Variants in SOHLH1 observed in about 807,000 individuals in gnomAD.
SOHLH1 encodes spermatogenesis- and oogenesis-specific basic helix-loop-helix-containing protein 1.
SOHLH1 carries 23 observed loss-of-function variants against 36.2 expected under a neutral mutation model. That is an observed-to-expected ratio of 0.64 (90% CI 0.46 to 0.90). The LOEUF (loss-of-function observed/expected upper bound fraction) is 0.90. Among genes scored for constraint, SOHLH1 ranks in the 40% least tolerant of loss-of-function variants. The pLI is 0.00. For missense variants in SOHLH1, 608 were observed against 517.0 expected, an observed-to-expected ratio of 1.18 and a Z score of -1.71; for synonymous variants, 289 against 228.3, an observed-to-expected ratio of 1.27 and a Z score of -2.40.
Position 135,697,488 on chromosome 9 carries a change from G to A in SOHLH1, c.467+18C>T, listed in dbSNP as rs369067103. On this transcript the variant is annotated intron_variant, in intron 4 of 7. Transcript: ENST00000425225. ...AGGGTCACCCAGCCCTGGAGAGCGG[G>A]CCCCAGGAGACACTAACCGAGTCCC... 1.9e-6 allele frequency: 3 copies of A among 1,605,796 alleles called. No individual in the cohort carries two copies.
chr9:135,693,836 C>T lies in SOHLH1; in HGVS notation c.947-22G>A, dbSNP rs201476933. 219 of 1,536,480 alleles carry T rather than the reference C, an allele frequency of 1.4e-4. 3 individuals are homozygous for T. In the East Asian group the frequency reaches 4.3e-3, roughly 30 times the overall value. On this transcript the variant is annotated intron_variant, in intron 7 of 7. Transcript: ENST00000425225. ...GACCCTGGAAGCAAACAGGACACAT[C>T]GGCAGGGCAGGCAGGTGCTCTGGGA...
In SOHLH1 at chr9:135,695,094, C is replaced by G. The variant is rs55674357; in HGVS notation, c.831G>C (p.Leu277=). The G allele has an allele frequency of 2.5e-6, 4 of 1,598,234 alleles. No homozygotes were observed. Among genetic ancestry groups the G allele is most frequent in the East Asian group, 4.5e-5 (2 of 44,172 alleles). The change falls in exon 6 of 8, where the codon CTG becomes CTC. Residue 277 remains leucine, a synonymous_variant. Transcript: ENST00000425225. ...AGPLAMGAAP[L]GEPAKEDPML... is the part of the protein sequence containing the mutation. ...TGGGGTCCTCCTTGGCTGGCTCCCC[C>G]AGAGGTGCAGCCCCCATGGCCAGGG...
chr9:135,698,118 G>A (rs1365347921), intron 3 of SOHLH1, among the ~76,000 whole-genome samples: 2 of 152,198 alleles, frequency 1.3e-5, no homozygotes, highest in African/African-American at 4.8e-5. Flanking sequence ...GGCTGGAAAG[G>A]AAGGCTTGCT....
At chr9:135,694,831 G>C (rs1399106716) in intron 6 of SOHLH1, among the ~76,000 whole-genome samples, 1 of 146,992 alleles carries the variant, frequency 6.8e-6, no homozygotes, top group Non-Finnish European at 1.5e-5. Context: ...GAAGACAAAA[G>C]TGTTTCCAGA....
chr9:135,700,489 T>C (rs1834992796), upstream of SOHLH1, among the ~76,000 whole-genome samples: 1 of 151,534 alleles, frequency 6.6e-6, no homozygotes, highest in African/African-American at 2.4e-5. Flanking sequence ...CTGGCCTGGC[T>C]CGTGCTGAGG....
chr9:135,698,924 A>G, intron 2 of SOHLH1, 71 bp downstream of exon 2: 1 of 1,606,378 alleles, frequency 6.2e-7, no homozygotes, highest in Non-Finnish European at 8.5e-7. Context: ...ACCTGGTGGC[A>G]GCCCCGAACA....
chr9:135,695,015 G>C (rs1480673325), intron 6 of SOHLH1, 35 bp downstream of exon 6: 1 of 1,556,474 alleles, frequency 6.4e-7, no homozygotes. Context: ...GCTCGCTCAC[G>C]CACACACAGG....
chr9:135,700,508 G>A (rs1249689491), upstream of SOHLH1, among the ~76,000 whole-genome samples: 1 of 152,098 alleles, frequency 6.6e-6, no homozygotes, highest in East Asian at 1.9e-4. Flanking sequence ...GGTCGTAGCG[G>A]GAGGAGGTGG....
intron 2 of SOHLH1, 86 bp from the exon 3 acceptor site, chr9:135,698,562 C>A: frequency 1.3e-6 from 2 of 1,592,382 alleles, no homozygotes; most frequent in East Asian, 2.2e-5. Flanking sequence ...GCCAGATAGA[C>A]CCTGGGCGCT....
Position 135,696,702 on chromosome 9 carries a change from C to A in SOHLH1, c.571G>T (p.Asp191Tyr), listed in dbSNP as rs1480600697. 1 of 1,613,040 alleles carries A rather than the reference C, an allele frequency of 6.2e-7. No homozygotes were observed. Among genetic ancestry groups the A allele is most frequent in the East Asian group, 2.2e-5 (1 of 44,886 alleles). Residue 191 changes from aspartate (D) to tyrosine (Y), a missense_variant, in exon 5 of 8, where the codon GAC becomes TAC. Asp to Tyr is a radical substitution (Grantham distance 160). Coordinates refer to ENST00000425225, the MANE Select transcript of SOHLH1 (RefSeq NM_001101677.2). ...PHILASSRQW[D>Y]PASCTSLGTD... ...CCCAGGGACGTGCAGCTCGCGGGGT[C>A]CCACTGCCTGGAGGACGCAAGGATG...
At chr9:135,699,698 C>T (rs891120521), upstream of SOHLH1, among the ~76,000 whole-genome samples, 1 of 152,128 alleles carries the variant, frequency 6.6e-6, no homozygotes, top group Admixed American at 6.5e-5. Context: ...TCGGGGGGTC[C>T]ACCCACTCTA....
chr9:135,696,889 GCTGGA>G (rs1834825935), intron 4 of SOHLH1, 84 bp from the exon 5 acceptor site: 1 of 1,462,486 alleles, frequency 6.8e-7, no homozygotes, highest in South Asian at 1.2e-5. Context: ...AGAGCAGAGG[GCTGGA>G]CCCATCCCCA....
chr9:135,701,950 G>A (rs1835047296), upstream of SOHLH1, among the ~76,000 whole-genome samples: 1 of 143,608 alleles, frequency 7.0e-6, no homozygotes, highest in African/African-American at 2.6e-5. Context: ...CGGCGCGCTT[G>A]GGCTTTTCTA....
In SOHLH1 at chr9:135,695,254, C is replaced by G. The variant is rs938967865; in HGVS notation, c.671G>C (p.Ser224Thr). The change falls in exon 6 of 8, where the codon AGC becomes ACC. Residue 224 changes from serine (S) to threonine (T), a missense_variant. Coordinates refer to ENST00000425225, the MANE Select transcript of SOHLH1 (RefSeq NM_001101677.2). ...GGLPPFSEPS[S>T]LVPWPPGRSL... ...CCGGCCTGGGGGCCACGGCACCAGGCTGGAAGGTTCTGGGAGAGAAGTCAG... is the reference window on the plus strand; with the variant it reads ...CCGGCCTGGGGGCCACGGCACCAGGGTGGAAGGTTCTGGGAGAGAAGTCAG... The G allele has an allele frequency of 6.3e-7, 1 of 1,592,864 alleles. No homozygotes were observed. The highest frequency in any genetic ancestry group is 1.3e-5 in the African/African-American group (1 of 74,748).
At chr9:135,698,950 C>T (rs756855187) in intron 2 of SOHLH1, 45 bp downstream of exon 2, 4 of 1,610,674 alleles carry the variant, frequency 2.5e-6, no homozygotes, top group East Asian at 4.5e-5. Context: ...TCACCCGCTC[C>T]ACCCCTTTAC....
At chr9:135,698,932 A>T in intron 2 of SOHLH1, 63 bp downstream of exon 2, 1 of 1,609,080 alleles carries the variant, frequency 6.2e-7, no homozygotes, top group South Asian at 1.1e-5. Flanking sequence ...GCAGCCCCGA[A>T]CATAATCTCA....
At chr9:135,693,872 G>T in intron 7 of SOHLH1, 58 bp from the exon 8 acceptor site, 1 of 1,515,424 alleles carries the variant, frequency 6.6e-7, no homozygotes, top group South Asian at 1.2e-5. Flanking sequence ...GCTTGAGGCA[G>T]ACAGGTGGGG....
At position 135,693,717 on chromosome 9, in the gene SOHLH1, C is replaced by G; in HGVS notation, c.1044G>C (p.Glu348Asp). The G allele has an allele frequency of 6.4e-7, 1 of 1,573,946 alleles. No homozygotes were observed. Among genetic ancestry groups the G allele is most frequent in the South Asian group, 1.2e-5 (1 of 85,388 alleles). The change falls in exon 8 of 8, where the codon GAG (glutamate) becomes GAC (aspartate). Residue 348 changes from glutamate (E) to aspartate (D), a missense_variant. Physicochemically the swap from Glu to Asp is conservative, Grantham distance 45. Transcript: ENST00000425225. ...TGTCCTGGAGCTCCTGGGAGCCAAG[C>G]TCAGGGTCCCCTAGGAAGCCTGGCT... is the stretch of plus-strand genomic sequence containing the variant. ...VGEPGFLGDPELGSQELQDSP... is the reference protein window; with the variant it reads ...VGEPGFLGDPDLGSQELQDSP...
At chr9:135,701,859 G>A (rs1835044826), upstream of SOHLH1, among the ~76,000 whole-genome samples, 1 of 152,224 alleles carries the variant, frequency 6.6e-6, no homozygotes, top group Admixed American at 6.5e-5. Flanking sequence ...CAGCGCATGT[G>A]CCCTGCTGCC....
Sources: allele counts gnomAD v4.1 joint callset (sites outside exome capture counted in the v4.1 genomes callset), GRCh38; gene constraint gnomAD v4.1.1; transcripts MANE v1.5; gene names NCBI Gene and HGNC (gene_info 2026-07-23, HGNC 2026-07-21).